NEFH: variants seen among roughly 807,000 people sequenced by gnomAD.
NEFH encodes the protein neurofilament heavy polypeptide.
NEFH carries 58 observed loss-of-function variants against 56.6 expected under a neutral mutation model. The observed-to-expected ratio is 1.03, with a 90% CI of 0.83 to 1.28. The LOEUF is 1.28. NEFH is among the 50% of genes most tolerant of loss of function. The pLI, the probability that NEFH is intolerant of heterozygous loss-of-function variation, is 0.00. For missense variants in NEFH, 1,221 were observed against 1,307.6 expected (o/e 0.93, Z 1.02); for synonymous variants, 542 against 545.8 (o/e 0.99, Z 0.10).
At chr22:29,486,519 C>CTTTTTT (rs362163) in intron 3 of NEFH, among the ~76,000 whole-genome samples, 10 of 102,480 alleles carry the variant, frequency 9.8e-5, no homozygotes, top group South Asian at 3.5e-4. Context: ...AGACATGAGT[C>CTTTTTT]TTTTTTTTTT....
chr22:29,489,169 C>T lies in NEFH; in HGVS notation c.1529C>T (p.Ala510Val). 8 of 1,614,078 alleles carry T rather than the reference C, an allele frequency of 5.0e-6. No individual in the cohort carries two copies. Among genetic ancestry groups the T allele is most frequent in the Non-Finnish European group, 6.8e-6 (8 of 1,179,952 alleles). Reference sequence around the variant, plus strand: ...AAGTCTCCCCCAGCAGAAGAGGCTGCATCCCCAGAGAAGGAAGCCAAGTCA... The same window carrying T: ...AAGTCTCCCCCAGCAGAAGAGGCTGTATCCCCAGAGAAGGAAGCCAAGTCA... ...ETKSPPAEEA[A>V]SPEKEAKSPV... The change falls in exon 4 of 4, where the codon GCA becomes GTA. Residue 510 changes from alanine (A) to valine (V), a missense_variant. This residue lies in a region of NEFH where 243 missense variants were observed against 299.1 expected (regional missense o/e 0.81). Transcript: ENST00000310624.
chr22:29,483,313 T>A, intron 1 of NEFH, 62 bp from the exon 2 acceptor site: 29 of 1,339,620 alleles, frequency 2.2e-5, no homozygotes, highest in Non-Finnish European at 2.7e-5. Context: ...AAGAAAAAAA[T>A]CTGGGCATTA....
In NEFH at chr22:29,480,432, C is replaced by G; in HGVS notation, c.170C>G (p.Ser57Cys). 5 of 1,532,002 alleles carry G rather than the reference C, an allele frequency of 3.3e-6. No homozygotes were observed. The highest frequency in any genetic ancestry group is 4.4e-6 in the Non-Finnish European group (5 of 1,145,838). 94.9% of individuals were successfully genotyped at this position (1,532,002 alleles called of 1,614,324 possible). Residue 57 changes from serine (S) to cysteine (C), a missense_variant, in exon 1 of 4, where the codon TCC (serine) becomes TGC (cysteine). Physicochemically the swap from Ser to Cys is moderately radical, Grantham distance 112. Coordinates refer to ENST00000310624, the MANE Select transcript of NEFH (RefSeq NM_021076.4). Reference sequence around the variant, plus strand: ...TCGTGGACACGGACGTCCGTGAGCTCCGTGTCCGCCTCGCCCAGCCGCTTC... The same window carrying G: ...TCGTGGACACGGACGTCCGTGAGCTGCGTGTCCGCCTCGCCCAGCCGCTTC... ...FHSWTRTSVS[S>C]VSASPSRFRG...
At position 29,489,142 on chromosome 22, in the gene NEFH, C is replaced by CAAA. The variant is rs774880782; in HGVS notation, c.1503_1505dup (p.Lys502dup). 2.9e-5 allele frequency: 46 copies of CAAA among 1,613,674 alleles called. No individual in the cohort carries two copies. In the African/African-American group the frequency reaches 5.7e-4, roughly 20 times the overall value. ...GAGGCAGAAGGGGGAGAAGAAGAAA[C>CAAA]AAAGTCTCCCCCAGCAGAAGAGGCT... On this transcript the variant is annotated inframe_insertion, in exon 4 of 4. Transcript: ENST00000310624.
At chr22:29,486,944 C>G (rs1421042310) in intron 3 of NEFH, among the ~76,000 whole-genome samples, 1 of 152,172 alleles carries the variant, frequency 6.6e-6, no homozygotes, top group Non-Finnish European at 1.5e-5. Flanking sequence ...GTGCTTGAGT[C>G]AGGGACCTTT....
chr22:29,483,256 G>T, intron 1 of NEFH, 119 bp from the exon 2 acceptor site: 1 of 958,770 alleles, frequency 1.0e-6, no homozygotes, highest in South Asian at 1.6e-5. Flanking sequence ...TCCAGCCTGG[G>T]CGAGAGCGAG....
rs768460278 is a variant in NEFH at position 29,480,631 on chromosome 22, C to T, written c.369C>T (p.Arg123=). The change falls in exon 1 of 4, where the codon CGC becomes CGT. Residue 123 remains arginine (R), a synonymous_variant. Transcript: ENST00000310624. ...DKVRQLEAHN[R]SLEGEAAALR... is the part of the protein sequence containing the mutation. ...TGCGGCAGCTGGAGGCGCACAACCG[C>T]AGCCTGGAGGGCGAGGCTGCGGCGC... 27 of 1,564,012 alleles carry T rather than the reference C, an allele frequency of 1.7e-5. No homozygotes were observed. Among genetic ancestry groups the T allele is most frequent in the Non-Finnish European group, 2.2e-5 (26 of 1,164,668 alleles).
At position 29,486,849 on chromosome 22, in the gene NEFH, C is replaced by A. The variant is rs187342281; in HGVS notation, c.1208+1002C>A. 3.9e-5 allele frequency among the ~76,000 whole-genome samples: 6 copies of A among 152,318 alleles called. No homozygotes were observed. The East Asian group carries it at 7.7e-4, about 20-fold the overall frequency. On this transcript the variant is annotated intron_variant, in intron 3 of 3. Coordinates refer to ENST00000310624, the MANE Select transcript of NEFH (RefSeq NM_021076.4). ...ATGAGTCTTGAGAGTGACTTACTTT[C>A]ATTCTGAAATGATTTAGACGGTGGA...
chr22:29,483,924 A>C (rs1340854300), intron 2 of NEFH, among the ~76,000 whole-genome samples: 6 of 151,950 alleles, frequency 3.9e-5, no homozygotes, highest in Non-Finnish European at 8.8e-5. Context: ...ATCTCAGCTC[A>C]CTGCAACCTC....
chr22:29,483,447 C>G lies in NEFH; in HGVS notation c.956C>G (p.Thr319Ser), dbSNP rs2146394289. 1.9e-6 allele frequency: 3 copies of G among 1,614,042 alleles called. No homozygotes were observed. The highest frequency in any genetic ancestry group is 2.5e-6 in the Non-Finnish European group (3 of 1,180,036). The change falls in exon 2 of 4, where the codon ACT becomes AGT. Residue 319 changes from threonine (T) to serine (S), a missense_variant. By Grantham distance (58) the Thr-to-Ser change is moderately conservative. Coordinates refer to ENST00000310624, the MANE Select transcript of NEFH (RefSeq NM_021076.4). ...DAMRSAQEEITEYRRQLQART... is the reference protein window; with the variant it reads ...DAMRSAQEEISEYRRQLQART... ...ATGCGCTCAGCGCAGGAGGAGATAA[C>G]TGAGTACCGGCGTCAGCTGCAGGCC... is the stretch of plus-strand genomic sequence containing the variant.
rs768408953 is a variant in NEFH, at chr22:29,489,009, G to A, written c.1369G>A (p.Val457Met). Residue 457 changes from valine to methionine, a missense_variant, in exon 4 of 4, where the codon GTG becomes ATG. Transcript: ENST00000310624. ...GAAGTCTGAGAAAGAAACTGTGATT[G>A]TGGAGGAACAGACAGAGGAGACCCA... ...VEKSEKETVIVEEQTEETQVT... is the reference protein window; with the variant it reads ...VEKSEKETVIMEEQTEETQVT... 2 of 1,614,232 alleles carry A rather than the reference G, an allele frequency of 1.2e-6. No individual in the cohort carries two copies. Among genetic ancestry groups the A allele is most frequent in the Non-Finnish European group, 8.5e-7 (1 of 1,180,042 alleles).
chr22:29,485,121 C>T (rs1389742149), intron 2 of NEFH, among the ~76,000 whole-genome samples: 2 of 152,074 alleles, frequency 1.3e-5, no homozygotes, highest in Non-Finnish European at 2.9e-5. Context: ...CAGGCATGAA[C>T]CACCAGAGTC....
rs780230539 is a variant in NEFH, at chr22:29,481,024, G to C, written c.762G>C (p.Gln254His). 56 of 1,531,506 alleles carry C rather than the reference G, an allele frequency of 3.7e-5. No homozygotes were observed. The highest frequency in any genetic ancestry group is 4.8e-5 in the Non-Finnish European group (55 of 1,145,366). 94.9% of individuals were successfully genotyped at this position (1,531,506 alleles called of 1,614,324 possible). ...AGGGCTCCGGCGCCGCGCAGGCGCA[G>C]ATGCAGGCCGAGACGCGCGACGCCC... is the stretch of plus-strand genomic sequence containing the variant. ...QIQGSGAAQAQMQAETRDALK... is the reference protein window; with the variant it reads ...QIQGSGAAQAHMQAETRDALK... Residue 254 changes from glutamine to histidine, a missense_variant, in exon 1 of 4, where the codon CAG becomes CAC. By Grantham distance (24) the Gln-to-His change is conservative. This residue lies in a region of NEFH where 640 missense variants were observed against 555.5 expected (regional missense o/e 1.15). Transcript: ENST00000310624.
intron 3 of NEFH, among the ~76,000 whole-genome samples, chr22:29,486,640 A>G (rs1315918638): frequency 3.3e-5 from 5 of 149,296 alleles, no homozygotes. Context: ...CTCCTGCCTC[A>G]GCCTCCCGAG....
In NEFH at chr22:29,489,267, G is replaced by A. The variant is rs201798049; in HGVS notation, c.1627G>A (p.Glu543Lys). The part of the protein sequence containing the change: ...PEKEEAKSPA[E>K]VKSPEKAKSP... ...GAAGGAGGAAGCAAAATCCCCAGCC[G>A]AAGTCAAGTCCCCTGAGAAGGCCAA... Residue 543 changes from glutamate to lysine, a missense_variant, in exon 4 of 4, where the codon GAA becomes AAA. Glu to Lys is a moderately conservative substitution (Grantham distance 56, BLOSUM62 1). This residue lies in a region of NEFH where 243 missense variants were observed against 299.1 expected (regional missense o/e 0.81). Coordinates refer to ENST00000310624, the MANE Select transcript of NEFH (RefSeq NM_021076.4). 18 of 1,613,562 alleles carry A rather than the reference G, an allele frequency of 1.1e-5. No homozygotes were observed. In the East Asian group the frequency reaches 1.6e-4, roughly 14 times the overall value.
chr22:29,490,445 T>C lies in NEFH; in HGVS notation c.2805T>C (p.Asp935=). The C allele has an allele frequency of 1.2e-6, 2 of 1,602,150 alleles. No individual in the cohort carries two copies. Among genetic ancestry groups the C allele is most frequent in the Non-Finnish European group, 1.7e-6 (2 of 1,177,080 alleles). The change falls in exon 4 of 4, where the codon GAT becomes GAC. Residue 935 remains aspartate, a synonymous_variant. Coordinates refer to ENST00000310624, the MANE Select transcript of NEFH (RefSeq NM_021076.4). The part of the protein sequence containing the change: ...KTEVAKKEPD[D]AKAKEPSKPA... Reference sequence around the variant, plus strand: ...AGGTAGCCAAGAAGGAACCAGATGATGCCAAGGCCAAGGAACCCAGCAAAC... The same window carrying C: ...AGGTAGCCAAGAAGGAACCAGATGACGCCAAGGCCAAGGAACCCAGCAAAC...
Position 29,490,933 on chromosome 22 carries a change from T to TA in NEFH, c.*231dup. On this transcript the variant is annotated 3_prime_UTR_variant, in exon 4 of 4. Coordinates refer to ENST00000310624, the MANE Select transcript of NEFH (RefSeq NM_021076.4). ...CTCCCCAGGCGATGGACAATTATGA[T>TA]AGCTTATGTAGCTGAATGTGATACA... 1.4e-6 allele frequency: 1 copy of TA among 699,446 alleles called. No individual in the cohort carries two copies. Among genetic ancestry groups the TA allele is most frequent in the Non-Finnish European group, 2.4e-6 (1 of 424,448 alleles). 43.3% of individuals were successfully genotyped at this position (699,446 alleles called of 1,614,324 possible).
At position 29,489,174 on chromosome 22, in the gene NEFH, C is replaced by T; in HGVS notation, c.1534C>T (p.Pro512Ser). The change falls in exon 4 of 4, where the codon CCA (proline) becomes TCA (serine). Residue 512 changes from proline (P) to serine (S), a missense_variant. Physicochemically the swap from Pro to Ser is moderately conservative, Grantham distance 74 (BLOSUM62 -1). Coordinates refer to ENST00000310624, the MANE Select transcript of NEFH (RefSeq NM_021076.4). ...TCCCCCAGCAGAAGAGGCTGCATCC[C>T]CAGAGAAGGAAGCCAAGTCACCAGT... is the stretch of plus-strand genomic sequence containing the variant. ...KSPPAEEAAS[P>S]EKEAKSPVKE... 6.2e-7 allele frequency: 1 copy of T among 1,614,086 alleles called. No homozygotes were observed. The highest frequency in any genetic ancestry group is 2.2e-5 in the East Asian group (1 of 44,886).
chr22:29,490,140 A>G lies in NEFH; in HGVS notation c.2500A>G (p.Lys834Glu), dbSNP rs2063072073. 6.2e-7 allele frequency: 1 copy of G among 1,613,832 alleles called. No individual in the cohort carries two copies. Among genetic ancestry groups the G allele is most frequent in the Non-Finnish European group, 8.5e-7 (1 of 1,179,968 alleles). ...VKEEEKPQEV[K>E]VKEPPKKAEE... is the part of the protein sequence containing the mutation. ...GGAGGAGGAGAAGCCCCAGGAGGTGAAAGTCAAAGAGCCCCCAAAGAAGGC... is the reference window on the plus strand; with the variant it reads ...GGAGGAGGAGAAGCCCCAGGAGGTGGAAGTCAAAGAGCCCCCAAAGAAGGC... Residue 834 changes from lysine to glutamate, a missense_variant, in exon 4 of 4, where the codon AAA (lysine) becomes GAA (glutamate). By Grantham distance (56) the Lys-to-Glu change is moderately conservative. Coordinates refer to ENST00000310624, the MANE Select transcript of NEFH (RefSeq NM_021076.4).
Sources: gnomAD v4.1 joint callset for allele counts (sites outside exome capture counted in the v4.1 genomes callset) on GRCh38, gnomAD v4.1.1 for gene constraint, gnomAD v4.1.1 regional missense constraint, MANE v1.5 for transcripts, NCBI Gene and HGNC (gene_info 2026-07-23, HGNC 2026-07-21) for gene names.